ESRRG: variants seen among roughly 807,000 people sequenced by gnomAD.
ESRRG encodes estrogen-related receptor gamma.
Under a neutral mutation model 44.0 loss-of-function variants are expected in ESRRG, and 13 were observed. The ratio of observed to expected loss-of-function variants is 0.30; its 90% CI spans 0.19 to 0.47. The LOEUF is 0.47. Ranked by LOEUF, ESRRG falls within the 20% of genes least tolerant of loss-of-function variation. ESRRG has a pLI of 1.00. For missense variants in ESRRG, 395 were observed against 580.6 expected, an observed-to-expected ratio of 0.68 and a Z score of 3.29; for synonymous variants, 215 against 214.6, an observed-to-expected ratio of 1.00 and a Z score of -0.02.
In ESRRG at chr1:216,507,024, G is replaced by A. The variant is rs1430921691; in HGVS notation, c.1292C>T (p.Ala431Val). The A allele has an allele frequency of 1.9e-6, 3 of 1,614,122 alleles. No individual in the cohort carries two copies. The highest frequency in any genetic ancestry group is 2.5e-6 in the Non-Finnish European group (3 of 1,179,990). ...TTTGATGTTGTAGAAATGCTGCACG[G>A]CCTTGGTAGAGGTCTGCCTCAGGAG... ...LPLLRQTSTKAVQHFYNIKLE... is the reference protein window; with the variant it reads ...LPLLRQTSTKVVQHFYNIKLE... Residue 431 changes from alanine (A) to valine (V), a missense_variant, in exon 7 of 7, where the codon GCC (alanine) becomes GTC (valine). By Grantham distance (64) the Ala-to-Val change is moderately conservative. This residue lies in a region of ESRRG where 167 missense variants were observed against 251.8 expected (regional missense o/e 0.66). Coordinates refer to ENST00000408911, the MANE Select transcript of ESRRG (RefSeq NM_001438.4).
At chr1:216,873,208 A>ATTTTTT (rs2096282272) in intron 2 of ESRRG, among the ~76,000 whole-genome samples, 4 of 54,486 alleles carry the variant, frequency 7.3e-5, no homozygotes, top group Admixed American at 2.0e-4. Flanking sequence ...ACATCTTTTC[A>ATTTTTT]GTTTTTTTTT....
At chr1:216,785,240 G>C (rs1008747340) in intron 2 of ESRRG, among the ~76,000 whole-genome samples, 5 of 152,060 alleles carry the variant, frequency 3.3e-5, no homozygotes, top group African/African-American at 7.2e-5. Context: ...AGTGCACACA[G>C]ACCCAAGGCA....
intron 3 of ESRRG, among the ~76,000 whole-genome samples, chr1:216,593,923 G>T (rs778158431): frequency 6.6e-6 from 1 of 152,182 alleles, no homozygotes; most frequent in East Asian, 1.9e-4. Context: ...GTAGAGACAG[G>T]GGTCTCATTG....
chr1:217,081,413 G>C (rs2091764411), intron 1 of ESRRG, among the ~76,000 whole-genome samples: 1 of 151,524 alleles, frequency 6.6e-6, no homozygotes, highest in African/African-American at 2.4e-5. Flanking sequence ...TTTTAGTAGA[G>C]ATGGGGTTTC....
At chr1:216,977,464 T>G (rs2150355560) in intron 1 of ESRRG, among the ~76,000 whole-genome samples, 1 of 152,246 alleles carries the variant, frequency 6.6e-6, no homozygotes, top group Non-Finnish European at 1.5e-5. Flanking sequence ...TTACTTAATA[T>G]TTGTAGTGGA....
At chr1:216,848,137 G>A (rs1218668354) in intron 2 of ESRRG, among the ~76,000 whole-genome samples, 1 of 152,064 alleles carries the variant, frequency 6.6e-6, no homozygotes, top group Non-Finnish European at 1.5e-5. Flanking sequence ...GGGTAATGGT[G>A]GGAGGTGAAA....
chr1:216,821,397 A>C, intron 2 of ESRRG, among the ~76,000 whole-genome samples: 1 of 152,050 alleles, frequency 6.6e-6, no homozygotes, highest in East Asian at 1.9e-4. Flanking sequence ...AATATTAAAA[A>C]TTCCTAGGCC....
intron 5 of ESRRG, 92 bp from the exon 6 acceptor site, chr1:216,519,513 T>C (rs1165221268): frequency 8.1e-7 from 1 of 1,232,880 alleles, no homozygotes; most frequent in East Asian, 2.5e-5. Context: ...TCTGCATCAG[T>C]GCTCAAAATT....
intron 2 of ESRRG, among the ~76,000 whole-genome samples, chr1:216,740,156 C>T (rs2090488225): frequency 6.6e-6 from 1 of 152,090 alleles, no homozygotes; most frequent in Non-Finnish European, 1.5e-5. Context: ...TGAATGAATA[C>T]CAATTTTGTG....
At chr1:216,683,102 G>A (rs1016046548) in intron 1 of ESRRG, among the ~76,000 whole-genome samples, 2 of 152,178 alleles carry the variant, frequency 1.3e-5, no homozygotes, top group African/African-American at 4.8e-5. Flanking sequence ...GTAATACGAT[G>A]CTTTGACAAC....
chr1:216,601,883 C>G (rs933484672), intron 3 of ESRRG, among the ~76,000 whole-genome samples: 1 of 152,108 alleles, frequency 6.6e-6, no homozygotes, highest in Admixed American at 6.5e-5. Context: ...AAAAAGTACC[C>G]TACTTATCTT....
At chr1:216,771,544 G>A (rs898105674) in intron 2 of ESRRG, among the ~76,000 whole-genome samples, 6 of 152,080 alleles carry the variant, frequency 3.9e-5, no homozygotes, top group African/African-American at 1.4e-4. Context: ...GTAACTGGGA[G>A]ATGCTGACAA....
At chr1:217,042,994 C>T (rs2084156505) in intron 1 of ESRRG, among the ~76,000 whole-genome samples, 1 of 152,070 alleles carries the variant, frequency 6.6e-6, no homozygotes. Flanking sequence ...CCTGATATCT[C>T]CCTTTATAAC....
chr1:216,721,008 C>T (rs2086144345), intron 1 of ESRRG, among the ~76,000 whole-genome samples: 2 of 152,158 alleles, frequency 1.3e-5, no homozygotes, highest in African/African-American at 4.8e-5. Context: ...GATGAGCACA[C>T]TCATTTAGAA....
At chr1:216,618,549 C>T (rs1156833579) in intron 3 of ESRRG, among the ~76,000 whole-genome samples, 1 of 152,114 alleles carries the variant, frequency 6.6e-6, no homozygotes, top group African/African-American at 2.4e-5. Context: ...TTCAGACATC[C>T]GTATGTATAC....
intron 2 of ESRRG, among the ~76,000 whole-genome samples, chr1:216,827,713 T>A (rs76292211): frequency 0.11 from 16,659 of 152,208 alleles, 1,075 homozygotes; most frequent in East Asian, 0.26. Flanking sequence ...GTGCATACAG[T>A]ATCAAGTAGG....
In ESRRG at chr1:216,775,551, C is replaced by CTTTTTTTTTT. The variant is rs71163765; in HGVS notation, c.-13-98070_-13-98061dup. On this transcript the variant is annotated intron_variant, in intron 2 of 7. Coordinates refer to the ESRRG transcript ENST00000359162. ...TTCCCACCTAAATAAAATGTCACAT[C>CTTTTTTTTTT]TTTTTTTTTTTTTTTTTTTTTTTTT... is the stretch of plus-strand genomic sequence containing the variant. Among the ~76,000 whole-genome samples the CTTTTTTTTTT allele has an allele frequency of 7.8e-4, 58 of 74,822 alleles. 7 individuals are homozygous for CTTTTTTTTTT. Among genetic ancestry groups the CTTTTTTTTTT allele is most frequent in the South Asian group, 1.5e-3 (3 of 2,034 alleles). 49.1% of individuals were successfully genotyped at this position (74,822 alleles called of 152,430 possible).
chr1:217,002,175 A>G (rs539221729), intron 1 of ESRRG, among the ~76,000 whole-genome samples: 16 of 151,870 alleles, frequency 1.1e-4, no homozygotes, highest in African/African-American at 3.4e-4. Context: ...GGTGGTACAT[A>G]TCTGTAATTC....
intron 2 of ESRRG, among the ~76,000 whole-genome samples, chr1:216,935,836 T>G (rs1187470193): frequency 6.6e-6 from 1 of 151,964 alleles, no homozygotes; most frequent in Admixed American, 6.6e-5. Flanking sequence ...AGGCTGGTCT[T>G]GAACTCCTGA....
Sources: gnomAD v4.1 joint callset for allele counts (sites outside exome capture counted in the v4.1 genomes callset) on GRCh38, gnomAD v4.1.1 for gene constraint, gnomAD v4.1.1 regional missense constraint, MANE v1.5 for transcripts, NCBI Gene and HGNC (gene_info 2026-07-23, HGNC 2026-07-21) for gene names.